The following CCDC7 variants were observed in gnomAD, a reference collection of about 807,000 sequenced individuals.
The protein encoded by CCDC7 is coiled-coil domain containing 7, also known as coiled-coil domain-containing protein 7.
CCDC7 carries 183 observed loss-of-function variants against 196.9 expected under a neutral mutation model. The observed-to-expected ratio is 0.93, with a 90% CI of 0.82 to 1.05. The LOEUF is 1.05. Ranked by LOEUF, CCDC7 falls within the 50% of genes least tolerant of loss-of-function variation. The pLI, the probability that CCDC7 is intolerant of heterozygous loss-of-function variation, is 0.00. For missense variants in CCDC7, 1,540 were observed against 1,482.2 expected (o/e 1.04, Z -0.64); for synonymous variants, 525 against 484.6 (o/e 1.08, Z -1.10).
At chr10:32,756,861 A>C (rs1378819930) in intron 28 of CCDC7, among the ~76,000 whole-genome samples, 2 of 152,232 alleles carry the variant, frequency 1.3e-5, no homozygotes, top group Non-Finnish European at 2.9e-5. Context: ...GTCCCATCTC[A>C]CGTGCAGAGA....
intron 18 of CCDC7, among the ~76,000 whole-genome samples, chr10:32,612,080 C>T (rs2062212339): frequency 6.6e-6 from 1 of 152,070 alleles, no homozygotes; most frequent in Non-Finnish European, 1.5e-5. Context: ...TTGTTTGTGT[C>T]CACTCTTATT....
At chr10:32,553,815 G>A (rs978754310) in intron 13 of CCDC7, among the ~76,000 whole-genome samples, 1 of 152,188 alleles carries the variant, frequency 6.6e-6, no homozygotes, top group Non-Finnish European at 1.5e-5. Flanking sequence ...CTGAGAGGTG[G>A]CACTTTCCAG....
intron 20 of CCDC7, among the ~76,000 whole-genome samples, chr10:32,658,028 C>T (rs1406776366): frequency 6.6e-6 from 1 of 152,186 alleles, no homozygotes; most frequent in Non-Finnish European, 1.5e-5. Flanking sequence ...TCTGAGACCA[C>T]CTCAGGCTGG....
At chr10:32,553,488 G>A (rs2053835611) in intron 13 of CCDC7, among the ~76,000 whole-genome samples, 1 of 152,068 alleles carries the variant, frequency 6.6e-6, no homozygotes, top group African/African-American at 2.4e-5. Context: ...ATGTTAAAGA[G>A]CCTTGTTTTG....
At chr10:32,554,404 CT>C (rs2054015483) in intron 13 of CCDC7, among the ~76,000 whole-genome samples, 2 of 152,232 alleles carry the variant, frequency 1.3e-5, no homozygotes, top group South Asian at 2.1e-4. Context: ...GTTTTACCCC[CT>C]GGTCCTCTGT....
intron 31 of CCDC7, among the ~76,000 whole-genome samples, chr10:32,819,284 A>AT (rs1460767140): frequency 1.3e-5 from 2 of 152,252 alleles, no homozygotes; most frequent in Non-Finnish European, 2.9e-5. Context: ...AAATCTCTGA[A>AT]TAGACCAATA....
rs1314105736 is a variant in CCDC7 at position 32,859,214 on chromosome 10, T to C, written c.4111+4725T>C. Among the ~76,000 whole-genome samples the C allele has an allele frequency of 2.6e-5, 4 of 151,958 alleles. No individual in the cohort carries two copies. In the East Asian group the frequency reaches 5.8e-4, roughly 22 times the overall value. On this transcript the variant is annotated intron_variant, in intron 41 of 41. Transcript: ENST00000639629. ...GCAGAATAAGGGAAATCATAACAAA[T>C]AGTCTCTCAGACCACAGTGCAATCA...
chr10:32,473,806 C>A (rs2038432098), intron 7 of CCDC7, among the ~76,000 whole-genome samples, 161 bp from the exon 9 acceptor site: 1 of 152,196 alleles, frequency 6.6e-6, no homozygotes, highest in South Asian at 2.1e-4. Flanking sequence ...ATTACCATTT[C>A]TTACCTGATT....
intron 37 of CCDC7, 89 bp from the exon 39 acceptor site, chr10:32,847,744 G>A: frequency 7.6e-6 from 6 of 789,278 alleles, no homozygotes; most frequent in Admixed American, 2.7e-5. Context: ...AAAAGAAAAA[G>A]AAATTTCAAA....
chr10:32,872,467 A>G (rs1347716682), intron 41 of CCDC7, among the ~76,000 whole-genome samples: 3 of 151,934 alleles, frequency 2.0e-5, no homozygotes, highest in African/African-American at 7.2e-5. Flanking sequence ...AATACAGCAC[A>G]CTGATGGGTC....
chr10:32,451,110 C>T (rs2032943693), upstream of CCDC7, among the ~76,000 whole-genome samples: 1 of 152,038 alleles, frequency 6.6e-6, no homozygotes, highest in African/African-American at 2.4e-5. Flanking sequence ...GCTATAAGTC[C>T]TATAGGTAAA....
At chr10:32,652,904 T>A (rs1353745780) in intron 20 of CCDC7, among the ~76,000 whole-genome samples, 3 of 152,218 alleles carry the variant, frequency 2.0e-5, no homozygotes, top group Non-Finnish European at 4.4e-5. Flanking sequence ...TTATAAAAAA[T>A]TTCTGATGTT....
chr10:32,537,108 A>T (rs1037090547), intron 11 of CCDC7, among the ~76,000 whole-genome samples: 2 of 151,902 alleles, frequency 1.3e-5, no homozygotes, highest in Non-Finnish European at 2.9e-5. Context: ...ACTAATTTAC[A>T]CTCCCACCAG....
chr10:32,751,555 T>C (rs1344112188), intron 28 of CCDC7, among the ~76,000 whole-genome samples: 2 of 152,160 alleles, frequency 1.3e-5, no homozygotes, highest in African/African-American at 4.8e-5. Flanking sequence ...TTAAGGCATA[T>C]GTGATATGAG....
chr10:32,488,571 G>A (rs3006730), intron 8 of CCDC7, among the ~76,000 whole-genome samples: 20,983 of 152,124 alleles, frequency 0.14, 1,754 homozygotes, highest in East Asian at 0.25. Context: ...CGTCTTCTGC[G>A]TCGCTCACGC....
intron 18 of CCDC7, among the ~76,000 whole-genome samples, chr10:32,615,399 G>A (rs552167423): frequency 6.6e-6 from 1 of 152,184 alleles, no homozygotes; most frequent in Admixed American, 6.5e-5. Flanking sequence ...ATCTCATTGT[G>A]TTTTTTATTT....
intron 28 of CCDC7, among the ~76,000 whole-genome samples, chr10:32,765,127 A>G (rs966308451): frequency 6.6e-6 from 1 of 151,740 alleles, no homozygotes; most frequent in African/African-American, 2.4e-5. Flanking sequence ...CAGACCCAGG[A>G]CCCCTTGAAG....
chr10:32,577,407 G>A (rs1423805676), intron 16 of CCDC7, among the ~76,000 whole-genome samples: 1 of 152,106 alleles, frequency 6.6e-6, no homozygotes, highest in East Asian at 1.9e-4. Flanking sequence ...TAGCCTGACA[G>A]TGTAACTAGG....
chr10:32,844,235 C>T (rs902936707), intron 33 of CCDC7, among the ~76,000 whole-genome samples: 1 of 151,800 alleles, frequency 6.6e-6, no homozygotes, highest in Non-Finnish European at 1.5e-5. Context: ...GCAAAAAATT[C>T]AAATCACATA....
Sources: gnomAD v4.1 joint callset for allele counts (sites outside exome capture counted in the v4.1 genomes callset) on GRCh38, gnomAD v4.1.1 for gene constraint, MANE v1.5 for transcripts, NCBI Gene and HGNC (gene_info 2026-07-23, HGNC 2026-07-21) for gene names.